MGAT4C: variants seen among roughly 807,000 people sequenced by gnomAD.
MGAT4C encodes the protein alpha-1,3-mannosyl-glycoprotein 4-beta-N-acetylglucosaminyltransferase C.
Under a neutral mutation model 40.1 loss-of-function variants are expected in MGAT4C, and 19 were observed. The ratio of observed to expected loss-of-function variants is 0.47; its 90% CI spans 0.33 to 0.70. MGAT4C has a LOEUF of 0.70. Among genes scored for constraint, MGAT4C ranks in the 30% least tolerant of loss-of-function variants. The probability of loss-of-function intolerance (pLI) is 0.02; values close to 1 mark genes in which losing one functional copy is unlikely to be tolerated. For synonymous variants in MGAT4C, 181 were observed against 187.1 expected (o/e 0.97, Z 0.27); for missense variants, 491 against 563.2 (o/e 0.87, Z 1.30).
intron 1 of MGAT4C, among the ~76,000 whole-genome samples, chr12:86,137,659 A>G (rs1403805803): frequency 6.6e-6 from 1 of 152,200 alleles, no homozygotes; most frequent in Non-Finnish European, 1.5e-5. Flanking sequence ...CTGTGATGCC[A>G]TATTTTGCAG....
At position 85,963,705 on chromosome 12, in the gene MGAT4C, A is replaced by G. The variant is rs1348558885; in HGVS notation, c.*15584T>C. 1 of 152,030 alleles carries G rather than the reference A, an allele frequency of 6.6e-6. No homozygotes were observed. The highest frequency in any genetic ancestry group is 1.5e-5 in the Non-Finnish European group (1 of 67,920). The allele number at this position is 152,030 out of a possible 1,614,324, so 9.4% of individuals were successfully genotyped here. On this transcript the variant is annotated 3_prime_UTR_variant, in exon 5 of 5. Coordinates refer to ENST00000611864, the MANE Select transcript of MGAT4C (RefSeq NM_001351288.2). ...AAGGTTGTTTAATGGCACAGATAAT[A>G]TAATTCAAATCATGACCCCAGGGCT...
intron 3 of MGAT4C, among the ~76,000 whole-genome samples, chr12:86,432,345 G>A (rs1205094486): frequency 6.6e-6 from 1 of 152,006 alleles, no homozygotes. Context: ...ATACATGGAT[G>A]GTATTTAGAG....
chr12:86,086,164 C>T (rs1159477514), intron 1 of MGAT4C, among the ~76,000 whole-genome samples: 1 of 151,934 alleles, frequency 6.6e-6, no homozygotes, highest in Admixed American at 6.6e-5. Context: ...TGTTAGACTG[C>T]ATAAAGAAAA....
At chr12:86,184,610 A>C (rs1888517762) in intron 1 of MGAT4C, among the ~76,000 whole-genome samples, 1 of 136,800 alleles carries the variant, frequency 7.3e-6, no homozygotes, top group Non-Finnish European at 1.6e-5. Flanking sequence ...AGTTTGTTGA[A>C]TAAATTATCA....
intron 4 of MGAT4C, among the ~76,000 whole-genome samples, chr12:86,307,964 A>G (rs1376217784): frequency 6.6e-6 from 1 of 150,466 alleles, no homozygotes; most frequent in Middle Eastern, 3.2e-3. Flanking sequence ...CGGCCTCCCA[A>G]AGTGCTGGGA....
At chr12:86,449,576 C>T (rs1957390795) in intron 2 of MGAT4C, among the ~76,000 whole-genome samples, 1 of 152,130 alleles carries the variant, frequency 6.6e-6, no homozygotes, top group Non-Finnish European at 1.5e-5. Flanking sequence ...TACCAATTAT[C>T]ACTGTACCCA....
chr12:86,152,948 G>A (rs1357885346), intron 1 of MGAT4C, among the ~76,000 whole-genome samples: 1 of 151,862 alleles, frequency 6.6e-6, no homozygotes, highest in Non-Finnish European at 1.5e-5. Flanking sequence ...CTTTAATAAT[G>A]CTTCCAATCC....
intron 2 of MGAT4C, among the ~76,000 whole-genome samples, chr12:86,705,649 A>C (rs1950443799): frequency 6.6e-6 from 1 of 152,216 alleles, no homozygotes; most frequent in African/African-American, 2.4e-5. Context: ...AATTAAGCTT[A>C]ATAAATGAAA....
chr12:86,214,848 TAACA>T (rs774568128), intron 1 of MGAT4C, among the ~76,000 whole-genome samples: 2 of 152,232 alleles, frequency 1.3e-5, no homozygotes, highest in African/African-American at 2.4e-5. Context: ...ACTTGAAACA[TAACA>T]AACATACGCA....
rs1954976757 is a variant in MGAT4C, at chr12:86,344,595, C to T, written c.-119-10468G>A. On this transcript the variant is annotated intron_variant, in intron 3 of 7. Coordinates refer to the MGAT4C transcript ENST00000548651. ...ACAGGTTCCAATTGATTGTACTTTA[C>T]ACACATTGAATACAGACTATACAAA... 2.6e-5 allele frequency among the ~76,000 whole-genome samples: 4 copies of T among 152,036 alleles called. No individual in the cohort carries two copies. The South Asian group carries it at 8.3e-4, about 32-fold the overall frequency.
chr12:86,732,570 T>C (rs1161793921), intron 1 of MGAT4C, among the ~76,000 whole-genome samples: 1 of 152,100 alleles, frequency 6.6e-6, no homozygotes, highest in East Asian at 1.9e-4. Flanking sequence ...ATCCCTTGCA[T>C]GTGCAGTTCA....
At chr12:86,793,295 G>A (rs1461094403) in intron 1 of MGAT4C, among the ~76,000 whole-genome samples, 1 of 152,110 alleles carries the variant, frequency 6.6e-6, no homozygotes, top group African/African-American at 2.4e-5. Context: ...GATTTATGGA[G>A]TAATTAAAGC....
intron 2 of MGAT4C, among the ~76,000 whole-genome samples, chr12:86,650,428 C>T (rs2136534134): frequency 6.6e-6 from 1 of 151,880 alleles, no homozygotes; most frequent in South Asian, 2.1e-4. Context: ...GCAATGTAAC[C>T]CTGTCTACAG....
chr12:86,770,098 C>T (rs898528857), intron 1 of MGAT4C, among the ~76,000 whole-genome samples: 3 of 151,844 alleles, frequency 2.0e-5, no homozygotes, highest in Admixed American at 1.3e-4. Context: ...GATGTTAATT[C>T]TTATGATCTG....
At chr12:86,777,386 G>C (rs1480388378) in intron 1 of MGAT4C, among the ~76,000 whole-genome samples, 1 of 152,070 alleles carries the variant, frequency 6.6e-6, no homozygotes, top group Admixed American at 6.6e-5. Context: ...ACACTTCCTT[G>C]CTGTAAGAAT....
chr12:86,742,806 A>G (rs1951088296), intron 1 of MGAT4C, among the ~76,000 whole-genome samples: 1 of 151,602 alleles, frequency 6.6e-6, no homozygotes, highest in Admixed American at 6.6e-5. Context: ...CATGTAATCA[A>G]TAATAAAAAA....
At chr12:86,373,545 A>G (rs1955762244) in intron 3 of MGAT4C, among the ~76,000 whole-genome samples, 1 of 152,004 alleles carries the variant, frequency 6.6e-6, no homozygotes, top group South Asian at 2.1e-4. Context: ...GTAGATAAAC[A>G]GTATCCCAGA....
intron 2 of MGAT4C, among the ~76,000 whole-genome samples, chr12:86,622,563 T>C (rs942805891): frequency 6.6e-6 from 1 of 152,104 alleles, no homozygotes; most frequent in Non-Finnish European, 1.5e-5. Context: ...CTCAGTAGTG[T>C]GACAAAATTA....
At chr12:86,781,012 TTGTG>T (rs201109835) in intron 1 of MGAT4C, among the ~76,000 whole-genome samples, 5 of 39,058 alleles carry the variant, frequency 1.3e-4, no homozygotes, top group Non-Finnish European at 3.4e-4. Context: ...TGGCTGAGTA[TTGTG>T]TGTGTGTGTG....
Sources: gnomAD v4.1 joint callset for allele counts (sites outside exome capture counted in the v4.1 genomes callset) on GRCh38, gnomAD v4.1.1 for gene constraint, MANE v1.5 for transcripts, NCBI Gene and HGNC (gene_info 2026-07-23, HGNC 2026-07-21) for gene names.